PRKCA: variants seen among roughly 807,000 people sequenced by gnomAD.
PRKCA encodes protein kinase C alpha type.
In PRKCA, 27 loss-of-function variants were observed where a neutral mutation model predicts 87.0. The ratio of observed to expected loss-of-function variants is 0.31; its 90% CI spans 0.23 to 0.43. The LOEUF is 0.43. Among genes scored for constraint, PRKCA ranks in the 20% least tolerant of loss-of-function variants. The pLI, the probability that PRKCA is intolerant of heterozygous loss-of-function variation, is 1.00. For missense variants in PRKCA, 518 were observed against 852.3 expected (o/e 0.61, Z 4.88); for synonymous variants, 329 against 311.1 (o/e 1.06, Z -0.61).
At chr17:66,670,200 T>C (rs928839355) in intron 5 of PRKCA, among the ~76,000 whole-genome samples, 11 of 151,950 alleles carry the variant, frequency 7.2e-5, no homozygotes, top group African/African-American at 2.7e-4. Flanking sequence ...AAAGGCGAGC[T>C]AAAGAGGACG....
intron 2 of PRKCA, among the ~76,000 whole-genome samples, chr17:66,495,810 C>A (rs1404985971): frequency 6.6e-6 from 1 of 152,076 alleles, no homozygotes; most frequent in African/African-American, 2.4e-5. Flanking sequence ...ATCAAGTGAT[C>A]TACCTGCCTC....
rs534133839 is a variant in PRKCA at position 66,545,244 on chromosome 17, C to T, written c.288+48961C>T. ...GAGATCGAGACCATCCTGGCTAACACGGTGAAACCCCGCCTCTACTAAAAA... is the reference window on the plus strand; with the variant it reads ...GAGATCGAGACCATCCTGGCTAACATGGTGAAACCCCGCCTCTACTAAAAA... On this transcript the variant is annotated intron_variant, in intron 3 of 16. Transcript: ENST00000413366. Among the ~76,000 whole-genome samples, 328 of 152,124 alleles carry T rather than the reference C, an allele frequency of 2.2e-3. 3 individuals carry two copies. Among genetic ancestry groups the T allele is most frequent in the African/African-American group, 6.5e-3 (268 of 41,500 alleles).
At chr17:66,736,241 T>C (rs1424548582) in intron 10 of PRKCA, among the ~76,000 whole-genome samples, 1 of 151,524 alleles carries the variant, frequency 6.6e-6, no homozygotes, top group Non-Finnish European at 1.5e-5. Context: ...TGCTCAGACT[T>C]TGGGATACAA....
At chr17:66,357,704 T>C (rs1259832803) in intron 2 of PRKCA, among the ~76,000 whole-genome samples, 1 of 152,226 alleles carries the variant, frequency 6.6e-6, no homozygotes, top group African/African-American at 2.4e-5. Context: ...TGAGAGGTAA[T>C]GTATGTGTGA....
chr17:66,761,487 C>T (rs959454665), intron 13 of PRKCA, among the ~76,000 whole-genome samples: 3 of 151,868 alleles, frequency 2.0e-5, no homozygotes, highest in African/African-American at 2.4e-5. Flanking sequence ...GATGGAGTCT[C>T]GCTCTGTTGC....
chr17:66,507,011 T>C (rs1320354955), intron 3 of PRKCA, among the ~76,000 whole-genome samples: 1 of 152,236 alleles, frequency 6.6e-6, no homozygotes, highest in Non-Finnish European at 1.5e-5. Flanking sequence ...GACATCTTTG[T>C]GATACCATGT....
intron 8 of PRKCA, among the ~76,000 whole-genome samples, chr17:66,709,311 T>TTC (rs1005203277): frequency 1.4e-5 from 2 of 144,554 alleles, no homozygotes; most frequent in African/African-American, 5.2e-5. Context: ...CTTTTTTTTT[T>TTC]TTTTTTTTTT....
rs775784706 is a variant in PRKCA, at chr17:66,496,262, G to A, written c.267G>A (p.Ala89=). 1.9e-5 allele frequency: 31 copies of A among 1,613,694 alleles called. No homozygotes were observed. The highest frequency in any genetic ancestry group is 8.9e-5 in the East Asian group (4 of 44,890). ...HEFVTFSCPG[A]DKGPDTDDPR... is the part of the protein sequence containing the mutation. ...TTGTTACTTTTTCTTGTCCGGGTGC[G>A]GATAAGGGACCCGACACTGATGTAA... The change falls in exon 3 of 17, where the codon GCG becomes GCA. Residue 89 remains alanine, a synonymous_variant. Transcript: ENST00000413366.
At chr17:66,410,228 A>AT (rs965980744) in intron 2 of PRKCA, among the ~76,000 whole-genome samples, 1 of 148,376 alleles carries the variant, frequency 6.7e-6, no homozygotes, top group Non-Finnish European at 1.5e-5. Flanking sequence ...TTGATTAATG[A>AT]TTTTTTTGTT....
At chr17:66,524,540 C>T (rs72843674) in intron 3 of PRKCA, among the ~76,000 whole-genome samples, 21,270 of 152,160 alleles carry the variant, frequency 0.14, 1,787 homozygotes, top group East Asian at 0.3. Flanking sequence ...ATGTGAGAAT[C>T]CAGTTCTCAT....
chr17:66,437,720 C>CTTTTT lies in PRKCA; in HGVS notation c.206-58474_206-58470dup, dbSNP rs567333890. Among the ~76,000 whole-genome samples the CTTTTT allele has an allele frequency of 2.2e-3, 71 of 32,834 alleles. 17 individuals are homozygous for CTTTTT. Among genetic ancestry groups the CTTTTT allele is most frequent in the African/African-American group, 8.6e-3 (62 of 7,242 alleles). 21.5% of individuals were successfully genotyped at this position (32,834 alleles called of 152,430 possible). A position where few individuals can be genotyped will look rare whatever the true frequency, so the allele number is the denominator to read the frequency against. On this transcript the variant is annotated intron_variant, in intron 2 of 16. Coordinates refer to ENST00000413366, the MANE Select transcript of PRKCA (RefSeq NM_002737.3). ...CAACTGGGTAGTTGTTTCAAGTTTC[C>CTTTTT]TTTTTTTTTTTGAGCGGGGGGTGGG...
intron 2 of PRKCA, among the ~76,000 whole-genome samples, chr17:66,387,183 C>A (rs1467854550): frequency 6.6e-6 from 1 of 152,174 alleles, no homozygotes; most frequent in Non-Finnish European, 1.5e-5. Flanking sequence ...TGTTCCTTTT[C>A]ACTGGGTAGG....
At chr17:66,474,565 T>A (rs539237276) in intron 2 of PRKCA, among the ~76,000 whole-genome samples, 3 of 152,190 alleles carry the variant, frequency 2.0e-5, no homozygotes, top group Non-Finnish European at 4.4e-5. Flanking sequence ...GGACCAAGTT[T>A]GCTGCTTCAA....
At chr17:66,508,174 A>C (rs1018344143) in intron 3 of PRKCA, among the ~76,000 whole-genome samples, 4 of 152,226 alleles carry the variant, frequency 2.6e-5, no homozygotes, top group Admixed American at 6.5e-5. Context: ...GCTGGGATCC[A>C]GCACCCTCAA....
At chr17:66,718,838 A>C (rs1196690799) in intron 8 of PRKCA, among the ~76,000 whole-genome samples, 1 of 152,214 alleles carries the variant, frequency 6.6e-6, no homozygotes, top group Admixed American at 6.5e-5. Flanking sequence ...TGACATCTGA[A>C]CATAAAACAC....
chr17:66,310,226 A>G (rs940902161), intron 2 of PRKCA, among the ~76,000 whole-genome samples: 11 of 126,780 alleles, frequency 8.7e-5, no homozygotes, highest in Non-Finnish European at 3.4e-5. Context: ...TTTTTTTGCT[A>G]TTCTTTGTCT....
chr17:66,470,688 A>G (rs1429236539), intron 2 of PRKCA, among the ~76,000 whole-genome samples: 1 of 152,128 alleles, frequency 6.6e-6, no homozygotes, highest in Non-Finnish European at 1.5e-5. Flanking sequence ...AATACCAAGA[A>G]TTGCCCTTTT....
intron 3 of PRKCA, among the ~76,000 whole-genome samples, chr17:66,634,622 T>G (rs1312334001): frequency 6.6e-6 from 1 of 152,184 alleles, no homozygotes; most frequent in Non-Finnish European, 1.5e-5. Context: ...TTGTTAAGGA[T>G]TTAGTAGTTG....
intron 3 of PRKCA, among the ~76,000 whole-genome samples, chr17:66,611,785 C>G (rs150770381): frequency 7.2e-5 from 11 of 152,290 alleles, no homozygotes; most frequent in Non-Finnish European, 1.5e-4. Context: ...GTTCCTCTAG[C>G]AATGAGTTGA....
Sources: gnomAD v4.1 joint callset for allele counts (sites outside exome capture counted in the v4.1 genomes callset) on GRCh38, gnomAD v4.1.1 for gene constraint, MANE v1.5 for transcripts, NCBI Gene and HGNC (gene_info 2026-07-23, HGNC 2026-07-21) for gene names.